The following LAMA4 variants were observed in gnomAD, a reference collection of about 807,000 sequenced individuals.
LAMA4 encodes laminin subunit alpha-4.
LAMA4 carries 127 observed loss-of-function variants against 207.1 expected under a neutral mutation model. The observed-to-expected ratio is 0.61, with a 90% CI of 0.53 to 0.71. The LOEUF is 0.71. Among genes scored for constraint, LAMA4 ranks in the 30% least tolerant of loss-of-function variants. The pLI, the probability that LAMA4 is intolerant of heterozygous loss-of-function variation, is 0.00. For synonymous variants in LAMA4, 761 were observed against 816.0 expected (o/e 0.93, Z 1.15); for missense variants, 2,093 against 2,246.5 (o/e 0.93, Z 1.38).
At chr6:112,149,706 C>T (rs782119741) in intron 17 of LAMA4, among the ~76,000 whole-genome samples, 1 of 152,106 alleles carries the variant, frequency 6.6e-6, no homozygotes, top group African/African-American at 2.4e-5. Context: ...CGGACTAATA[C>T]AGCTATGTTG....
Position 112,136,210 on chromosome 6 carries a change from C to A in LAMA4, c.3327G>T (p.Val1109=), listed in dbSNP as rs782033056. The A allele has an allele frequency of 6.2e-7, 1 of 1,612,354 alleles. No individual in the cohort carries two copies. ...CACCGCTGAATCCAAAATCATAGAA[C>A]ACATGTAGGTAACCATTGCGCATTT... ...RLEMRNGYLH[V]FYDFGFSGGP... The change falls in exon 25 of 39, where the codon GTG becomes GTT. Residue 1109 remains valine (V), a synonymous_variant. Coordinates refer to ENST00000230538, the MANE Select transcript of LAMA4 (RefSeq NM_001105206.3).
intron 38 of LAMA4, among the ~76,000 whole-genome samples, chr6:112,110,321 A>G (rs1440823088): frequency 6.6e-6 from 1 of 152,242 alleles, no homozygotes; most frequent in East Asian, 1.9e-4. Context: ...GAAATATAAA[A>G]TTAAAATCCA....
rs3836978 is a variant in LAMA4, at chr6:112,118,721, A to G, written c.4821+435T>C. Among the ~76,000 whole-genome samples, 260 of 148,394 alleles carry G rather than the reference A, an allele frequency of 1.8e-3. No homozygotes were observed. The highest frequency in any genetic ancestry group is 5.4e-3 in the African/African-American group (220 of 40,552). ...TTACAAATTGTGTGTGTGTGTGTGT[A>G]TGTGTGTGTGTGTGTGTGTGTGTGT... is the stretch of plus-strand genomic sequence containing the variant. On this transcript the variant is annotated intron_variant, in intron 34 of 38. Coordinates refer to ENST00000230538, the MANE Select transcript of LAMA4 (RefSeq NM_001105206.3). This position sits in a 1 kb window ranked among gnomAD's most constrained non-coding sequence, Gnocchi z 4.6.
At position 112,178,417 on chromosome 6, in the gene LAMA4, C is replaced by G. The variant is rs1453337580; in HGVS notation, c.1078-185G>C. ...AAAGGTAATGTGATGGCCAGTTTTA[C>G]TTTTAAAAAATTTTTTAATTTTTCC... is the stretch of plus-strand genomic sequence containing the variant. On this transcript the variant is annotated intron_variant, in intron 9 of 38. Transcript: ENST00000230538. 3 of 596,922 alleles carry G rather than the reference C, an allele frequency of 5.0e-6. No individual in the cohort carries two copies. The Admixed American group carries it at 8.9e-5, about 18-fold the overall frequency. The allele number at this position is 596,922 out of a possible 1,614,324, so 37.0% of individuals were successfully genotyped here.
At chr6:112,184,280 G>A (rs186652829) in intron 9 of LAMA4, among the ~76,000 whole-genome samples, 21 of 151,012 alleles carry the variant, frequency 1.4e-4, no homozygotes, top group African/African-American at 4.6e-4. Context: ...TTTGGAAAGC[G>A]GCAATTCTGA....
intron 35 of LAMA4, among the ~76,000 whole-genome samples, 153 bp from the exon 36 acceptor site, chr6:112,116,146 C>CA (rs1375430410): frequency 6.6e-6 from 1 of 151,382 alleles, no homozygotes; most frequent in African/African-American, 2.4e-5. Flanking sequence ...ATGTCAAACT[C>CA]ACTGTGGAAA....
Position 112,185,253 on chromosome 6 carries a change from T to C in LAMA4, c.1061A>G (p.Glu354Gly). ...NTMKSLLSDVEELVEKENQAS... is the reference protein window; with the variant it reads ...NTMKSLLSDVGELVEKENQAS... The stretch of plus-strand genomic sequence containing the variant: ...CATACGTACCTTTTCAACTAATTCC[T>C]CTACGTCAGACAGAAGGCTTTTCAT... The change falls in exon 9 of 39, where the codon GAG (glutamate) becomes GGG (glycine). Residue 354 changes from glutamate (E) to glycine (G), a missense_variant. Glu to Gly is a moderately conservative substitution (Grantham distance 98). This residue lies in a region of LAMA4 where 1,704 missense variants were observed against 1,788.4 expected (regional missense o/e 0.95). Transcript: ENST00000230538. The C allele has an allele frequency of 6.2e-7, 1 of 1,604,656 alleles. No individual in the cohort carries two copies. The highest frequency in any genetic ancestry group is 8.5e-7 in the Non-Finnish European group (1 of 1,171,386).
At chr6:112,113,235 A>C (rs1166687858) in intron 38 of LAMA4, among the ~76,000 whole-genome samples, 1 of 152,236 alleles carries the variant, frequency 6.6e-6, no homozygotes, top group African/African-American at 2.4e-5. Flanking sequence ...AATTATCCTG[A>C]TTTGATCATT....
intron 2 of LAMA4, among the ~76,000 whole-genome samples, chr6:112,238,261 T>A (rs1554366778): frequency 6.6e-6 from 1 of 152,202 alleles, no homozygotes. Flanking sequence ...CTCATCTTTG[T>A]AGGATACTTG....
chr6:112,249,924 C>T (rs1584022755), intron 2 of LAMA4, among the ~76,000 whole-genome samples: 1 of 152,296 alleles, frequency 6.6e-6, no homozygotes, highest in South Asian at 2.1e-4. Flanking sequence ...TACCTTGTAG[C>T]CACTCTTATA....
rs1562653756 is a variant in LAMA4 at position 112,141,494 on chromosome 6, CT to C, written c.2676del (p.Glu893SerfsTer55). The C allele has an allele frequency of 2.5e-6, 4 of 1,601,654 alleles. No individual in the cohort carries two copies. The highest frequency in any genetic ancestry group is 3.4e-6 in the Non-Finnish European group (4 of 1,168,680). On this transcript the variant is annotated frameshift_variant, in exon 21 of 39. Transcript: ENST00000230538. LOFTEE classifies it high-confidence loss of function. Reference sequence around the variant, plus strand: ...TTTTTGATTGCAAGACCCATATACTCTTTTTTGGCCTGAAATATCAAGAAGT... The same window carrying C: ...TTTTTGATTGCAAGACCCATATACTCTTTTTGGCCTGAAATATCAAGAAGT... ...ILYLGSKNAK[K>X]EYMGLAIKND...
At chr6:112,250,068 G>A (rs1226181530) in intron 2 of LAMA4, among the ~76,000 whole-genome samples, 2 of 151,978 alleles carry the variant, frequency 1.3e-5, no homozygotes, top group African/African-American at 4.8e-5. Flanking sequence ...GCTCTTTCGA[G>A]GTAAGGCTCC....
At chr6:112,214,026 C>A (rs367709337) in intron 3 of LAMA4, 3 of 762,698 alleles carry the variant, frequency 3.9e-6, no homozygotes, top group Non-Finnish European at 7.3e-6. Flanking sequence ...TGAGAATGAA[C>A]GATAGGGCAG....
intron 8 of LAMA4, among the ~76,000 whole-genome samples, chr6:112,186,376 T>G (rs1433444278): frequency 6.6e-6 from 1 of 152,240 alleles, no homozygotes; most frequent in Non-Finnish European, 1.5e-5. Flanking sequence ...TTTTCCTAAA[T>G]TGACTAACAA....
intron 5 of LAMA4, among the ~76,000 whole-genome samples, chr6:112,193,786 T>C (rs1349391447): frequency 6.6e-6 from 1 of 152,152 alleles, no homozygotes; most frequent in African/African-American, 2.4e-5. Flanking sequence ...CTGGAGTTCT[T>C]TCTTTTGCTC....
chr6:112,150,224 C>CAA (rs1440808311), intron 17 of LAMA4, among the ~76,000 whole-genome samples: 2 of 150,288 alleles, frequency 1.3e-5, no homozygotes, highest in African/African-American at 5.0e-5. Context: ...CACACACACA[C>CAA]ACACACACAC....
chr6:112,161,455 AT>A (rs1781046472), intron 13 of LAMA4, among the ~76,000 whole-genome samples: 2 of 152,230 alleles, frequency 1.3e-5, no homozygotes, highest in African/African-American at 4.8e-5. Flanking sequence ...TTTGAAAAAA[AT>A]GTTTTTAATT....
At chr6:112,240,768 C>T (rs1428948043) in intron 2 of LAMA4, among the ~76,000 whole-genome samples, 2 of 152,120 alleles carry the variant, frequency 1.3e-5, no homozygotes, top group African/African-American at 4.8e-5. Context: ...ATATGTACCA[C>T]ATTTTCTTTA....
chr6:112,217,381 C>A (rs1269767103), intron 2 of LAMA4, among the ~76,000 whole-genome samples: 1 of 152,180 alleles, frequency 6.6e-6, no homozygotes, highest in African/African-American at 2.4e-5. Context: ...GCCCATCAGA[C>A]AAGTTTATGT....
Sources: gnomAD v4.1 joint callset for allele counts (sites outside exome capture counted in the v4.1 genomes callset) on GRCh38, gnomAD v4.1.1 for gene constraint, gnomAD v4.1.1 regional missense constraint, Gnocchi (gnomAD v3.1) non-coding constraint, MANE v1.5 for transcripts, NCBI Gene and HGNC (gene_info 2026-07-23, HGNC 2026-07-21) for gene names.